Variants in CCDC171 observed in about 807,000 individuals in gnomAD.
The protein encoded by CCDC171 is coiled-coil domain containing 171, also known as coiled-coil domain-containing protein 171.
Under a neutral mutation model 168.2 loss-of-function variants are expected in CCDC171, and 177 were observed. That is an observed-to-expected ratio of 1.05 (90% confidence interval 0.93 to 1.19). The LOEUF (loss-of-function observed/expected upper bound fraction) is 1.19, where lower values mean the gene tolerates loss of function less well. Among genes scored for constraint, CCDC171 ranks in the 50% most tolerant of loss-of-function variants. The pLI is 0.00. For synonymous variants in CCDC171, 687 were observed against 540.8 expected (o/e 1.27, Z -3.75); for missense variants, 1,991 against 1,539.0 (o/e 1.29, Z -4.91).
At chr9:15,665,148 A>G (rs1465417100) in intron 8 of CCDC171, among the ~76,000 whole-genome samples, 1 of 151,548 alleles carries the variant, frequency 6.6e-6, no homozygotes, top group Non-Finnish European at 1.5e-5. Flanking sequence ...TTTTATTTTG[A>G]GGGAAGGTCT....
chr9:15,562,056 G>A lies in CCDC171; in HGVS notation c.-111-1922G>A, dbSNP rs2039344452. Among the ~76,000 whole-genome samples the A allele has an allele frequency of 1.3e-5, 2 of 151,712 alleles. 1 individual carries two copies. The highest frequency in any genetic ancestry group is 4.2e-4 in the South Asian group (2 of 4,806). The stretch of plus-strand genomic sequence containing the variant: ...GTAGCCCAGGCTGGAGTGCAGTGGC[G>A]CAATCTTGGCTCACTGCAGTCTCCA... On this transcript the variant is annotated intron_variant, in intron 1 of 25. Coordinates refer to ENST00000380701, the MANE Select transcript of CCDC171 (RefSeq NM_173550.4).
At chr9:15,707,384 G>A (rs1246521732) in intron 11 of CCDC171, among the ~76,000 whole-genome samples, 1 of 152,118 alleles carries the variant, frequency 6.6e-6, no homozygotes, top group African/African-American at 2.4e-5. Flanking sequence ...TAGCTACTTT[G>A]GTTACGATTT....
At position 15,846,724 on chromosome 9, in the gene CCDC171, A is replaced by T. The variant is rs1588825887; in HGVS notation, c.3290A>T (p.Glu1097Val). The part of the protein sequence containing the change: ...AVKSLSEAKM[E>V]LRRKDQSLRQ... Reference sequence around the variant, plus strand: ...CAGAGTCTCTCCGAGGCAAAGATGGAGCTGAGAAGAAAAGATCAATCTCTG... The same window carrying T: ...CAGAGTCTCTCCGAGGCAAAGATGGTGCTGAGAAGAAAAGATCAATCTCTG... Residue 1097 changes from glutamate (E) to valine (V), a missense_variant, in exon 22 of 26, where the codon GAG (glutamate) becomes GTG (valine). Physicochemically the swap from Glu to Val is moderately radical, Grantham distance 121. Coordinates refer to ENST00000380701, the MANE Select transcript of CCDC171 (RefSeq NM_173550.4). 1 of 1,613,088 alleles carries T rather than the reference A, an allele frequency of 6.2e-7. No individual in the cohort carries two copies. The highest frequency in any genetic ancestry group is 1.1e-5 in the South Asian group (1 of 91,016).
chr9:15,653,013 C>A (rs931584073), intron 7 of CCDC171, among the ~76,000 whole-genome samples: 1 of 152,130 alleles, frequency 6.6e-6, no homozygotes, highest in Non-Finnish European at 1.5e-5. Context: ...TTTGCCTTAT[C>A]TTATCACGTC....
intron 1 of CCDC171, among the ~76,000 whole-genome samples, chr9:15,556,322 T>C (rs1169590098): frequency 2.0e-5 from 3 of 152,174 alleles, no homozygotes; most frequent in Admixed American, 1.3e-4. Context: ...CATACTGTCT[T>C]CCACAATGGT....
chr9:15,785,467 T>C (rs193193302), intron 21 of CCDC171, among the ~76,000 whole-genome samples: 1 of 152,248 alleles, frequency 6.6e-6, no homozygotes, highest in African/African-American at 2.4e-5. Flanking sequence ...AATAATACTA[T>C]TATGATCAAT....
At chr9:15,851,898 C>T (rs777562819) in intron 23 of CCDC171, among the ~76,000 whole-genome samples, 5 of 151,808 alleles carry the variant, frequency 3.3e-5, no homozygotes, top group African/African-American at 4.8e-5. Flanking sequence ...CATCTTGTGG[C>T]GTGTATTGAT....
intron 1 of CCDC171, among the ~76,000 whole-genome samples, chr9:16,047,689 GGATTTGA>G (rs1321729420): frequency 1.3e-5 from 2 of 152,200 alleles, no homozygotes; most frequent in Non-Finnish European, 2.9e-5. Context: ...AGGAGCACGT[GGATTTGA>G]ATCCTGGTAC....
At chr9:15,633,741 A>G (rs1156291556) in intron 7 of CCDC171, among the ~76,000 whole-genome samples, 1 of 152,214 alleles carries the variant, frequency 6.6e-6, no homozygotes, top group African/African-American at 2.4e-5. Context: ...TTATTGTGGC[A>G]CTATTCAGAA....
rs973765749 is a variant in CCDC171 at position 15,817,413 on chromosome 9, A to G, written c.3268-29289A>G. On this transcript the variant is annotated intron_variant, in intron 21 of 25. Transcript: ENST00000380701. ...GGGCGAGGCATTGCGTCACCCGGGA[A>G]GCACAAGGGGTCAGGGAATTCCCTT... is the stretch of plus-strand genomic sequence containing the variant. 9.3e-5 allele frequency among the ~76,000 whole-genome samples: 11 copies of G among 118,446 alleles called. 4 individuals carry two copies. Among genetic ancestry groups the G allele is most frequent in the Non-Finnish European group, 3.8e-5 (2 of 52,502 alleles). 77.7% of individuals were successfully genotyped at this position (118,446 alleles called of 152,430 possible).
chr9:15,790,199 A>C (rs1351152994), intron 21 of CCDC171, among the ~76,000 whole-genome samples: 2 of 152,216 alleles, frequency 1.3e-5, no homozygotes, highest in African/African-American at 4.8e-5. Context: ...TGGTTGAACT[A>C]GTTTACACTC....
chr9:15,675,130 C>G (rs1171721548), intron 9 of CCDC171, among the ~76,000 whole-genome samples: 1 of 141,880 alleles, frequency 7.0e-6, no homozygotes, highest in Non-Finnish European at 1.5e-5. Context: ...TTCTTTGTCT[C>G]TTTTGATCTT....
chr9:15,570,127 A>G (rs2040104557), intron 2 of CCDC171, among the ~76,000 whole-genome samples: 1 of 151,910 alleles, frequency 6.6e-6, no homozygotes, highest in Admixed American at 6.6e-5. Context: ...GAGCCACCAC[A>G]TCCAGCTAAT....
chr9:15,578,870 A>G lies in CCDC171; in HGVS notation c.199A>G (p.Ile67Val), dbSNP rs1587103570. The change falls in exon 4 of 26, where the codon ATT becomes GTT. Residue 67 changes from isoleucine (I) to valine (V), a missense_variant. Ile to Val is a conservative substitution (Grantham distance 29). Transcript: ENST00000380701. ...TTAGCTGGCAAGCTATGAGAGCCAGATTGCCAAGCTACGGTCCGAGGTTGA... is the reference window on the plus strand; with the variant it reads ...TTAGCTGGCAAGCTATGAGAGCCAGGTTGCCAAGCTACGGTCCGAGGTTGA... ...NAELASYESQ[I>V]AKLRSEVEKG... 4 of 1,613,442 alleles carry G rather than the reference A, an allele frequency of 2.5e-6. No homozygotes were observed. Among genetic ancestry groups the G allele is most frequent in the Non-Finnish European group, 3.4e-6 (4 of 1,179,708 alleles).
At chr9:16,037,495 G>C (rs542441413) in intron 8 of CCDC171, among the ~76,000 whole-genome samples, 1 of 152,158 alleles carries the variant, frequency 6.6e-6, no homozygotes. Context: ...AGAACCAGTG[G>C]ATAGAATACA....
chr9:16,047,678 C>T (rs1833682558), intron 1 of CCDC171, among the ~76,000 whole-genome samples: 1 of 152,244 alleles, frequency 6.6e-6, no homozygotes, highest in Admixed American at 6.5e-5. Flanking sequence ...GGGTAAGAGT[C>T]AGGAGCACGT....
chr9:16,047,661 G>T lies in CCDC171; in HGVS notation n.89+4775G>T, dbSNP rs374694990. The stretch of plus-strand genomic sequence containing the variant: ...AGACACACAAAGTCCTTTGTTACCT[G>T]GGAAGTGGGTAAGAGTCAGGAGCAC... On this transcript the variant is annotated intron_variant and non_coding_transcript_variant, in intron 1 of 1. Transcript: ENST00000478913. 3.3e-5 allele frequency among the ~76,000 whole-genome samples: 5 copies of T among 152,322 alleles called. No homozygotes were observed. The South Asian group carries it at 8.3e-4, about 25-fold the overall frequency.
chr9:15,693,604 G>C (rs1183902682), intron 10 of CCDC171, among the ~76,000 whole-genome samples: 1 of 152,168 alleles, frequency 6.6e-6, no homozygotes, highest in African/African-American at 2.4e-5. Context: ...GTGATAGAGA[G>C]TTGATATAGT....
At chr9:15,633,734 T>G (rs1418083982) in intron 7 of CCDC171, among the ~76,000 whole-genome samples, 4 of 152,156 alleles carry the variant, frequency 2.6e-5, no homozygotes, top group Non-Finnish European at 4.4e-5. Flanking sequence ...CGTATGTTTA[T>G]TGTGGCACTA....
Sources: allele counts gnomAD v4.1 joint callset (sites outside exome capture counted in the v4.1 genomes callset), GRCh38; gene constraint gnomAD v4.1.1; transcripts MANE v1.5; gene names NCBI Gene and HGNC (gene_info 2026-07-23, HGNC 2026-07-21).